The following TCFL5 variants were observed in gnomAD, a reference collection of about 807,000 sequenced individuals.
TCFL5 encodes transcription factor like 5.
TCFL5 carries 9 observed loss-of-function variants against 44.3 expected under a neutral mutation model. That is an observed-to-expected ratio of 0.20 (90% CI 0.12 to 0.35). TCFL5 has a LOEUF of 0.35. TCFL5 is among the 10% of genes least tolerant of loss of function. The pLI is 1.00. For missense variants in TCFL5, 603 were observed against 613.4 expected (o/e 0.98, Z 0.18); for synonymous variants, 319 against 271.6 (o/e 1.17, Z -1.72).
In TCFL5 at chr20:62,847,437, G is replaced by C. The variant is rs1441742790; in HGVS notation, c.1381-5340C>G. Among the ~76,000 whole-genome samples the C allele has an allele frequency of 2.6e-5, 4 of 152,238 alleles. No homozygotes were observed. In the South Asian group the frequency reaches 8.3e-4, roughly 32 times the overall value. ...TTATGATGGAAAAAGCACTACCACT[G>C]ACCCCACATAAAAAACCAACAAAGT... On this transcript the variant is annotated intron_variant, in intron 5 of 5. Transcript: ENST00000335351.
chr20:62,857,162 T>C (rs2063906182), intron 4 of TCFL5, among the ~76,000 whole-genome samples: 1 of 152,184 alleles, frequency 6.6e-6, no homozygotes, highest in African/African-American at 2.4e-5. Flanking sequence ...TTCTCCATAG[T>C]AAGTCACAGC....
chr20:62,845,902 T>C (rs1454089451), intron 5 of TCFL5: 1 of 1,534,726 alleles, frequency 6.5e-7, no homozygotes, highest in African/African-American at 1.4e-5. Flanking sequence ...AAAGAATGAG[T>C]TAAATGCTAA....
In TCFL5 at chr20:62,841,869, C is replaced by T. The variant is rs2063683350; in HGVS notation, c.*106G>A. ...TGGAGTCCCGTCAGCTTGAGTCACG[C>T]CCTTTTCGAGTCAGACTAGCCGAGC... is the stretch of plus-strand genomic sequence containing the variant. On this transcript the variant is annotated 3_prime_UTR_variant, in exon 6 of 6. Transcript: ENST00000335351. 2.0e-6 allele frequency: 3 copies of T among 1,489,646 alleles called. No homozygotes were observed. Among genetic ancestry groups the T allele is most frequent in the African/African-American group, 1.4e-5 (1 of 71,384 alleles). The allele number at this position is 1,489,646 out of a possible 1,614,324, so 92.3% of individuals were successfully genotyped here. A position where few individuals can be genotyped will look rare whatever the true frequency, so the allele number is the denominator to read the frequency against.
chr20:62,852,911 TCAG>T, intron 5 of TCFL5: 6 of 1,289,286 alleles, frequency 4.7e-6, no homozygotes, highest in Non-Finnish European at 5.1e-6. Flanking sequence ...ATTCACCCAG[TCAG>T]CAGAAGTATA....
rs1006586542 is a variant in TCFL5, at chr20:62,851,458, T to C, written c.1380+2558A>G. On this transcript the variant is annotated intron_variant, in intron 5 of 5. Coordinates refer to ENST00000335351, the MANE Select transcript of TCFL5 (RefSeq NM_006602.4). ...GTAAATCAGATCAATAATGATTTAC[T>C]AATAGATACACAAAGCCAAAACATT... 18 of 882,494 alleles carry C rather than the reference T, an allele frequency of 2.0e-5. No homozygotes were observed. The African/African-American group carries it at 2.9e-4, about 14-fold the overall frequency. 54.7% of individuals were successfully genotyped at this position (882,494 alleles called of 1,614,324 possible). A position where few individuals can be genotyped will look rare whatever the true frequency, so the allele number is the denominator to read the frequency against.
chr20:62,856,411 G>C (rs1017599364), intron 4 of TCFL5, among the ~76,000 whole-genome samples: 2 of 151,280 alleles, frequency 1.3e-5, no homozygotes, highest in African/African-American at 4.9e-5. Context: ...AATCTTAAAA[G>C]AACCAGGCAA....
intron 2 of TCFL5, among the ~76,000 whole-genome samples, chr20:62,859,832 C>T (rs987753625): frequency 6.6e-6 from 1 of 151,884 alleles, no homozygotes. Context: ...GCGATTCTCC[C>T]GCCTCAGCCT....
intron 5 of TCFL5, chr20:62,845,934 C>G (rs1303973389): frequency 6.7e-7 from 1 of 1,485,654 alleles, no homozygotes; most frequent in South Asian, 1.2e-5. Context: ...GGAATCCGAA[C>G]CCTGAACAGC....
At chr20:62,848,906 A>G (rs1443840678) in intron 5 of TCFL5, among the ~76,000 whole-genome samples, 1 of 151,646 alleles carries the variant, frequency 6.6e-6, no homozygotes, top group Admixed American at 6.6e-5. Context: ...TGGTGGCTCA[A>G]TGGTAATCCC....
chr20:62,841,088 C>T lies in TCFL5; in HGVS notation c.*887G>A, dbSNP rs1048132. ...CATCCCAATAAAATGATATATTAAA[C>T]CTTCAGATTAATGACTGGCTACAGA... On this transcript the variant is annotated 3_prime_UTR_variant, in exon 6 of 6. Coordinates refer to ENST00000335351, the MANE Select transcript of TCFL5 (RefSeq NM_006602.4). 62,677 of 239,556 alleles carry T rather than the reference C, an allele frequency of 0.26. 8,708 individuals carry two copies. Among genetic ancestry groups the T allele is most frequent in the African/African-American group, 0.34 (14,815 of 43,364 alleles). The allele number at this position is 239,556 out of a possible 1,614,324, so 14.8% of individuals were successfully genotyped here. A position where few individuals can be genotyped will look rare whatever the true frequency, so the allele number is the denominator to read the frequency against.
At chr20:62,848,611 G>A (rs544411621) in intron 5 of TCFL5, among the ~76,000 whole-genome samples, 171 of 152,090 alleles carry the variant, frequency 1.1e-3, no homozygotes, top group Non-Finnish European at 2.0e-3. Context: ...GGTGGGATGC[G>A]TTTGTAATCC....
chr20:62,856,165 G>A (rs558557930), intron 4 of TCFL5, among the ~76,000 whole-genome samples: 12 of 146,796 alleles, frequency 8.2e-5, no homozygotes, highest in Admixed American at 3.5e-4. Flanking sequence ...CAGAAGACTC[G>A]CTTGAACCTG....
chr20:62,848,361 G>C (rs149052052), intron 5 of TCFL5, among the ~76,000 whole-genome samples: 17 of 152,364 alleles, frequency 1.1e-4, no homozygotes, highest in African/African-American at 3.8e-4. Flanking sequence ...GTTGTAGTGG[G>C]CACTATTGAG....
intron 5 of TCFL5, chr20:62,852,981 C>T (rs1035594922): frequency 7.0e-6 from 9 of 1,288,374 alleles, no homozygotes; most frequent in African/African-American, 4.6e-5. Context: ...GTCACCCGGT[C>T]GGCTGAAGTA....
At chr20:62,847,598 C>T (rs1415433822) in intron 5 of TCFL5, among the ~76,000 whole-genome samples, 2 of 152,204 alleles carry the variant, frequency 1.3e-5, no homozygotes, top group South Asian at 4.1e-4. Flanking sequence ...TTTCAAGATG[C>T]TTTATTTTTA....
rs768959552 is a variant in TCFL5 at position 62,861,491 on chromosome 20, G to A, written c.180C>T (p.Ile60=). ...TEVEYTQLQH[I]LCSHMEAAAD... The stretch of plus-strand genomic sequence containing the variant: ...CCGCCGCCTCCATGTGCGAGCAGAG[G>A]ATGTGCTGCAGCTGCGTGTACTCCA... The change falls in exon 1 of 6, where the codon ATC becomes ATT. Residue 60 remains isoleucine, a synonymous_variant. Coordinates refer to ENST00000335351, the MANE Select transcript of TCFL5 (RefSeq NM_006602.4). This position sits in a 1 kb window ranked among gnomAD's most constrained non-coding sequence, Gnocchi z 4.0. 23 of 1,199,106 alleles carry A rather than the reference G, an allele frequency of 1.9e-5. No homozygotes were observed. Among genetic ancestry groups the A allele is most frequent in the South Asian group, 1.1e-4 (4 of 35,670 alleles). The allele number at this position is 1,199,106 out of a possible 1,614,324, so 74.3% of individuals were successfully genotyped here.
intron 5 of TCFL5, chr20:62,852,664 G>A (rs1039539444): frequency 1.9e-5 from 19 of 985,224 alleles, no homozygotes; most frequent in Non-Finnish European, 2.2e-5. Flanking sequence ...CCGGTCCACA[G>A]AAGTATATTC....
intron 5 of TCFL5, among the ~76,000 whole-genome samples, chr20:62,849,111 G>A (rs1446664809): frequency 6.6e-6 from 1 of 152,012 alleles, no homozygotes; most frequent in Non-Finnish European, 1.5e-5. Flanking sequence ...GTTGCAGTGA[G>A]CTAAGATGAC....
chr20:62,860,813 T>A (rs2063986720), intron 1 of TCFL5, among the ~76,000 whole-genome samples: 1 of 152,108 alleles, frequency 6.6e-6, no homozygotes, highest in African/African-American at 2.4e-5. Context: ...GAGGGGGTGT[T>A]TAGTTTCTGG....
Sources: allele counts gnomAD v4.1 joint callset (sites outside exome capture counted in the v4.1 genomes callset), GRCh38; gene constraint gnomAD v4.1.1; non-coding constraint Gnocchi (gnomAD v3.1); transcripts MANE v1.5; gene names NCBI Gene and HGNC (gene_info 2026-07-23, HGNC 2026-07-21).